NELL2: variants seen among roughly 807,000 people sequenced by gnomAD.
NELL2 encodes the protein neural EGFL like 2.
In NELL2, 41 loss-of-function variants were observed where a neutral mutation model predicts 109.6. The ratio of observed to expected loss-of-function variants is 0.37; its 90% CI spans 0.29 to 0.49. NELL2 has a LOEUF of 0.49. Ranked by LOEUF, NELL2 falls within the 20% of genes least tolerant of loss-of-function variation. The pLI is 0.98. For missense variants in NELL2, 900 were observed against 1,008.3 expected (o/e 0.89, Z 1.45); for synonymous variants, 355 against 344.7 (o/e 1.03, Z -0.33).
chr12:44,682,244 T>C (rs1380317638), intron 12 of NELL2, among the ~76,000 whole-genome samples: 3,600 of 144,056 alleles, frequency 0.025, 225 homozygotes, highest in African/African-American at 0.099. Flanking sequence ...TCATGTCCTT[T>C]GCCCACTTTT....
At chr12:44,632,933 T>C (rs1344789118) in intron 13 of NELL2, among the ~76,000 whole-genome samples, 1 of 152,018 alleles carries the variant, frequency 6.6e-6, no homozygotes, top group African/African-American at 2.4e-5. Context: ...TAGAGTCTTC[T>C]TGACTACACT....
At chr12:44,626,610 A>C (rs1946274757) in intron 13 of NELL2, among the ~76,000 whole-genome samples, 1 of 152,144 alleles carries the variant, frequency 6.6e-6, no homozygotes, top group Admixed American at 6.6e-5. Context: ...TCACTGACAC[A>C]TCTCCAGCAT....
chr12:44,670,500 T>C (rs956456627), intron 12 of NELL2, among the ~76,000 whole-genome samples: 1 of 151,798 alleles, frequency 6.6e-6, no homozygotes, highest in Non-Finnish European at 1.5e-5. Flanking sequence ...ATGGCTTAAA[T>C]TCATCAATTA....
chr12:44,848,840 C>T (rs1452342638), intron 2 of NELL2, among the ~76,000 whole-genome samples: 3 of 152,138 alleles, frequency 2.0e-5, no homozygotes, highest in Admixed American at 6.5e-5. Flanking sequence ...GGGTCACAAG[C>T]CAGTAACCCC....
At chr12:44,820,236 G>C (rs1353911946) in intron 2 of NELL2, among the ~76,000 whole-genome samples, 2 of 152,168 alleles carry the variant, frequency 1.3e-5, no homozygotes, top group East Asian at 3.9e-4. Context: ...TCCAAGTCCA[G>C]GAAGGACTTG....
intron 14 of NELL2, among the ~76,000 whole-genome samples, chr12:44,608,056 A>T (rs1226632030): frequency 6.6e-6 from 1 of 152,114 alleles, no homozygotes; most frequent in Non-Finnish European, 1.5e-5. Context: ...AGAGAAGAAG[A>T]GAAAAACAAG....
chr12:44,764,085 T>C (rs1941231968), intron 9 of NELL2, among the ~76,000 whole-genome samples: 1 of 152,192 alleles, frequency 6.6e-6, no homozygotes, highest in African/African-American at 2.4e-5. Flanking sequence ...AGACCTCATC[T>C]AATACAAATG....
At position 44,839,212 on chromosome 12, in the gene NELL2, T is replaced by C. The variant is rs12581903; in HGVS notation, c.185-23076A>G. ...ACTAATTATGCTTCTACAGAATATT[T>C]ATGTGACCCCTGGTAACCTTGGCAA... On this transcript the variant is annotated intron_variant, in intron 2 of 19. Transcript: ENST00000429094. Among the ~76,000 whole-genome samples, 2,061 of 152,308 alleles carry C rather than the reference T, an allele frequency of 0.014. 109 individuals carry two copies. The East Asian group carries it at 0.19, about 14-fold the overall frequency.
At chr12:44,779,249 T>C (rs1403800466) in intron 5 of NELL2, among the ~76,000 whole-genome samples, 1 of 152,224 alleles carries the variant, frequency 6.6e-6, no homozygotes, top group Non-Finnish European at 1.5e-5. Context: ...TTTCTCACTT[T>C]CTGCAGTACA....
At position 44,694,935 on chromosome 12, in the gene NELL2, T is replaced by A. The variant is rs1235863163; in HGVS notation, c.1318+8791A>T. On this transcript the variant is annotated intron_variant, in intron 12 of 19. Transcript: ENST00000429094. ...TCTCACAGTTAATCATATGCAAATA[T>A]GGTTATGTCAGGAATTCATCACTAA... is the stretch of plus-strand genomic sequence containing the variant. Among the ~76,000 whole-genome samples, 4 of 152,014 alleles carry A rather than the reference T, an allele frequency of 2.6e-5. No individual in the cohort carries two copies. In the South Asian group the frequency reaches 8.3e-4, roughly 32 times the overall value.
intron 19 of NELL2, among the ~76,000 whole-genome samples, chr12:44,513,021 C>T (rs1941070327): frequency 6.6e-6 from 1 of 152,084 alleles, no homozygotes; most frequent in Middle Eastern, 3.4e-3. Context: ...ACCCTAATTA[C>T]CCTGATCATT....
intron 16 of NELL2, among the ~76,000 whole-genome samples, chr12:44,528,002 G>A (rs1474904828): frequency 3.4e-5 from 5 of 148,044 alleles, no homozygotes; most frequent in Non-Finnish European, 5.9e-5. Flanking sequence ...GCTGAGGCAG[G>A]AGAATGGCGT....
intron 15 of NELL2, among the ~76,000 whole-genome samples, chr12:44,556,355 C>T (rs1364738049): frequency 6.6e-6 from 1 of 152,194 alleles, no homozygotes; most frequent in Admixed American, 6.5e-5. Context: ...ATAGGCAGAG[C>T]TTGTCCTTGG....
chr12:44,556,731 A>G (rs946474280), intron 15 of NELL2, among the ~76,000 whole-genome samples: 1 of 152,246 alleles, frequency 6.6e-6, no homozygotes, highest in African/African-American at 2.4e-5. Context: ...TTCATAACAG[A>G]GGTCCTGTAC....
At chr12:44,577,870 T>C (rs1368862511) in intron 15 of NELL2, among the ~76,000 whole-genome samples, 4 of 152,306 alleles carry the variant, frequency 2.6e-5, no homozygotes, top group Admixed American at 2.6e-4. Context: ...TCTTAACATG[T>C]GGCCCGATCA....
intron 12 of NELL2, among the ~76,000 whole-genome samples, chr12:44,672,309 G>A (rs1284020611): frequency 6.6e-6 from 1 of 152,180 alleles, no homozygotes; most frequent in Non-Finnish European, 1.5e-5. Context: ...TCCTGTCAGA[G>A]CAGAGGTGGC....
upstream of NELL2, chr12:44,876,904 G>A (rs1263766449): frequency 8.7e-6 from 11 of 1,261,570 alleles, no homozygotes; most frequent in Non-Finnish European, 1.1e-5. Flanking sequence ...TGGTGGAGAG[G>A]TTCCCTGCCG....
intron 18 of NELL2, among the ~76,000 whole-genome samples, chr12:44,521,529 C>CAAAAAAAAAAAAAAAAAAAAAAAAA (rs56713964): frequency 1.8e-5 from 2 of 111,452 alleles, no homozygotes; most frequent in African/African-American, 8.2e-5. Flanking sequence ...GACTCCGTCT[C>CAAAAAAAAAAAAAAAAAAAAAAAAA]AAAAAAAAAA....
chr12:44,522,783 C>G (rs1050740483), intron 17 of NELL2: 3 of 155,182 alleles, frequency 1.9e-5, no homozygotes, highest in African/African-American at 7.2e-5. Context: ...TGGATCACAG[C>G]ATGTTCATTC....
Sources: allele counts gnomAD v4.1 joint callset (sites outside exome capture counted in the v4.1 genomes callset), GRCh38; gene constraint gnomAD v4.1.1; transcripts MANE v1.5; gene names NCBI Gene and HGNC (gene_info 2026-07-23, HGNC 2026-07-21).